The following CDH13 variants were observed in gnomAD, a reference collection of about 807,000 sequenced individuals.
CDH13 encodes the protein cadherin 13, also known as cadherin-13.
CDH13 carries 24 observed loss-of-function variants against 63.8 expected under a neutral mutation model. That is an observed-to-expected ratio of 0.38 (90% CI 0.27 to 0.53). The LOEUF is 0.53. CDH13 is among the 20% of genes least tolerant of loss of function. CDH13 has a pLI of 0.85. For missense variants in CDH13, 1,049 were observed against 903.1 expected, an observed-to-expected ratio of 1.16 and a Z score of -2.07; for synonymous variants, 503 against 355.3, an observed-to-expected ratio of 1.42 and a Z score of -4.67.
At chr16:83,387,422 A>G (rs932394720) in intron 6 of CDH13, among the ~76,000 whole-genome samples, 1 of 152,108 alleles carries the variant, frequency 6.6e-6, no homozygotes, top group Non-Finnish European at 1.5e-5. Flanking sequence ...GCCTCAGTGG[A>G]GCTCAAAATG....
intron 2 of CDH13, among the ~76,000 whole-genome samples, chr16:82,878,098 A>G (rs1490079731): frequency 1.3e-5 from 2 of 152,214 alleles, no homozygotes; most frequent in Admixed American, 6.5e-5. Context: ...TGGCTGTGGA[A>G]TCAGCCTCAG....
intron 8 of CDH13, among the ~76,000 whole-genome samples, chr16:83,622,029 T>C (rs1235124753): frequency 6.6e-6 from 1 of 152,222 alleles, no homozygotes; most frequent in Non-Finnish European, 1.5e-5. Flanking sequence ...TAATCATTTC[T>C]TATGAGCAAA....
intron 3 of CDH13, among the ~76,000 whole-genome samples, chr16:83,046,647 C>G (rs74995339): frequency 5.9e-5 from 9 of 152,194 alleles, no homozygotes; most frequent in Non-Finnish European, 1.2e-4. Context: ...AGGTGCTTCC[C>G]TAGGGGAAGG....
chr16:83,165,591 C>T (rs1363233352), intron 4 of CDH13, among the ~76,000 whole-genome samples: 1 of 151,916 alleles, frequency 6.6e-6, no homozygotes, highest in Non-Finnish European at 1.5e-5. Flanking sequence ...ACAGTGGGTA[C>T]AGGGTAGGGA....
intron 7 of CDH13, among the ~76,000 whole-genome samples, chr16:83,601,717 C>T (rs571573772): frequency 2.0e-5 from 3 of 152,300 alleles, no homozygotes; most frequent in South Asian, 4.2e-4. Context: ...CATCTTTGTC[C>T]TAAGCTCATC....
At chr16:82,905,268 G>A (rs1013311284) in intron 2 of CDH13, among the ~76,000 whole-genome samples, 6 of 152,134 alleles carry the variant, frequency 3.9e-5, no homozygotes, top group Admixed American at 6.6e-5. Context: ...GAGGTTAAGA[G>A]GTTAAGCAAC....
At chr16:82,845,747 C>T (rs1241304019) in intron 1 of CDH13, among the ~76,000 whole-genome samples, 3 of 152,128 alleles carry the variant, frequency 2.0e-5, no homozygotes, top group African/African-American at 4.8e-5. Context: ...ATATGGCATT[C>T]GACATCACTA....
chr16:83,395,576 A>G (rs1173711776), intron 6 of CDH13, among the ~76,000 whole-genome samples: 2 of 152,074 alleles, frequency 1.3e-5, no homozygotes, highest in African/African-American at 2.4e-5. Context: ...ACCCTCCCAC[A>G]TTGAAGGGTT....
intron 3 of CDH13, among the ~76,000 whole-genome samples, chr16:83,084,253 C>A (rs1021094805): frequency 6.6e-6 from 1 of 152,184 alleles, no homozygotes; most frequent in Non-Finnish European, 1.5e-5. Flanking sequence ...GCGAATTTAG[C>A]AAGGGGTAGT....
At chr16:83,317,417 A>G (rs1470012583) in intron 5 of CDH13, among the ~76,000 whole-genome samples, 2 of 152,132 alleles carry the variant, frequency 1.3e-5, no homozygotes, top group African/African-American at 4.8e-5. Flanking sequence ...CTTGAATTTC[A>G]TCAACCAAAG....
In CDH13 at chr16:82,835,061, G is replaced by A. The variant is rs572630490; in HGVS notation, c.46-23301G>A. Among the ~76,000 whole-genome samples the A allele has an allele frequency of 4.5e-4, 68 of 152,232 alleles. 1 individual carries two copies. Among genetic ancestry groups the A allele is most frequent in the African/African-American group, 1.5e-3 (63 of 41,516 alleles). ...AAAGAAGTAAAAAGAAACAGGTGACGTTAATTGTAGTGTGTTTTCTTTAAC... is the reference window on the plus strand; with the variant it reads ...AAAGAAGTAAAAAGAAACAGGTGACATTAATTGTAGTGTGTTTTCTTTAAC... On this transcript the variant is annotated intron_variant, in intron 1 of 13. Coordinates refer to ENST00000567109, the MANE Select transcript of CDH13 (RefSeq NM_001257.5).
chr16:83,252,997 T>C (rs1211315634), intron 5 of CDH13, among the ~76,000 whole-genome samples: 1 of 152,106 alleles, frequency 6.6e-6, no homozygotes, highest in East Asian at 1.9e-4. Context: ...ACCTATTTTA[T>C]AGGGTACTAA....
chr16:83,525,468 G>T (rs562807376), intron 7 of CDH13, among the ~76,000 whole-genome samples: 9 of 152,332 alleles, frequency 5.9e-5, no homozygotes, highest in African/African-American at 1.9e-4. Context: ...TAAATGCTAT[G>T]TTATACTGAC....
At chr16:83,066,300 C>A (rs909182962) in intron 3 of CDH13, among the ~76,000 whole-genome samples, 12 of 152,160 alleles carry the variant, frequency 7.9e-5, no homozygotes, top group African/African-American at 2.9e-4. Context: ...ATGAGACTTT[C>A]AGTTTTAAAA....
chr16:83,224,347 C>A (rs894950713), intron 5 of CDH13, among the ~76,000 whole-genome samples: 3 of 152,212 alleles, frequency 2.0e-5, no homozygotes, highest in African/African-American at 4.8e-5. Flanking sequence ...ATAATGACTT[C>A]TTTTCCTCTG....
intron 4 of CDH13, among the ~76,000 whole-genome samples, chr16:83,212,253 AC>A (rs138442806): frequency 0.033 from 5,010 of 151,880 alleles, 264 homozygotes; most frequent in African/African-American, 0.11. Flanking sequence ...GTCATTGCAT[AC>A]CTCCCATCCC....
Position 83,136,685 on chromosome 16 carries a change from G to T in CDH13, c.483+11184G>T, listed in dbSNP as rs564615262. 3.2e-4 allele frequency among the ~76,000 whole-genome samples: 48 copies of T among 152,122 alleles called. No individual in the cohort carries two copies. The South Asian group carries it at 9.3e-3, about 30-fold the overall frequency. Reference sequence around the variant, plus strand: ...AGTACAATCTTGTTAGTGGACAGACGATCAAACACCAGGGATGTTCCGCAG... The same window carrying T: ...AGTACAATCTTGTTAGTGGACAGACTATCAAACACCAGGGATGTTCCGCAG... On this transcript the variant is annotated intron_variant, in intron 4 of 13. Coordinates refer to ENST00000567109, the MANE Select transcript of CDH13 (RefSeq NM_001257.5).
intron 2 of CDH13, among the ~76,000 whole-genome samples, chr16:83,018,669 A>G (rs1313124481): frequency 2.6e-5 from 4 of 152,222 alleles, no homozygotes; most frequent in Non-Finnish European, 4.4e-5. Flanking sequence ...GGGTAATTTA[A>G]TCATTGTTGG....
intron 2 of CDH13, among the ~76,000 whole-genome samples, chr16:82,998,109 C>G (rs966595177): frequency 1.3e-5 from 2 of 152,176 alleles, no homozygotes; most frequent in East Asian, 3.8e-4. Flanking sequence ...TAATCCTGTC[C>G]TTTCTATGGC....
Sources: gnomAD v4.1 joint callset for allele counts (sites outside exome capture counted in the v4.1 genomes callset) on GRCh38, gnomAD v4.1.1 for gene constraint, MANE v1.5 for transcripts, NCBI Gene and HGNC (gene_info 2026-07-23, HGNC 2026-07-21) for gene names.